FAM135B: variants seen among roughly 807,000 people sequenced by gnomAD.
FAM135B encodes protein FAM135B.
A neutral mutation model predicts 127.7 loss-of-function variants in FAM135B; 43 were observed. The observed-to-expected ratio is 0.34, with a 90% CI of 0.26 to 0.43. FAM135B has a LOEUF of 0.43. FAM135B is among the 20% of genes least tolerant of loss of function. FAM135B has a pLI of 1.00. For missense variants in FAM135B, 1,558 were observed against 1,725.6 expected, an observed-to-expected ratio of 0.90 and a Z score of 1.72; for synonymous variants, 670 against 665.1, an observed-to-expected ratio of 1.01 and a Z score of -0.11.
chr8:138,298,664 T>A (rs1445764239), intron 3 of FAM135B, among the ~76,000 whole-genome samples: 1 of 152,120 alleles, frequency 6.6e-6, no homozygotes, highest in African/African-American at 2.4e-5. Flanking sequence ...TACAATAATA[T>A]AATAGTGACA....
chr8:138,431,754 C>T (rs983544478), intron 1 of FAM135B, among the ~76,000 whole-genome samples: 43 of 152,288 alleles, frequency 2.8e-4, no homozygotes, highest in Non-Finnish European at 5.6e-4. Context: ...TCAGGATCCT[C>T]GCATCTTTCC....
intron 1 of FAM135B, among the ~76,000 whole-genome samples, chr8:138,455,270 G>A (rs1836712412): frequency 6.6e-6 from 1 of 152,148 alleles, no homozygotes; most frequent in South Asian, 2.1e-4. Context: ...CTTTCATCAT[G>A]GATAGGAGAA....
intron 6 of FAM135B, among the ~76,000 whole-genome samples, chr8:138,249,243 C>T (rs750531677): frequency 5.9e-5 from 9 of 152,222 alleles, no homozygotes; most frequent in Non-Finnish European, 1.2e-4. Context: ...ATATTCTTCA[C>T]AGGATGATAG....
chr8:138,264,093 C>T (rs530170481), intron 4 of FAM135B, among the ~76,000 whole-genome samples: 19 of 152,302 alleles, frequency 1.2e-4, no homozygotes, highest in African/African-American at 3.6e-4. Context: ...GTCACCTCAG[C>T]CTTAGTGCTT....
chr8:138,461,974 T>C (rs911196341), intron 1 of FAM135B, among the ~76,000 whole-genome samples: 2 of 152,054 alleles, frequency 1.3e-5, no homozygotes, highest in Non-Finnish European at 2.9e-5. Flanking sequence ...GTCAGCCTTC[T>C]CTCAGAAGCC....
intron 8 of FAM135B, among the ~76,000 whole-genome samples, chr8:138,196,593 C>G (rs147550529): frequency 2.2e-4 from 34 of 152,270 alleles, no homozygotes; most frequent in African/African-American, 7.7e-4. Flanking sequence ...AGGCCATTGA[C>G]CCAGTCAAAA....
At chr8:138,457,279 G>A (rs1836840725) in intron 1 of FAM135B, among the ~76,000 whole-genome samples, 1 of 152,142 alleles carries the variant, frequency 6.6e-6, no homozygotes, top group South Asian at 2.1e-4. Context: ...GAGCAGGAGT[G>A]AGAGCCGTGG....
chr8:138,194,933 A>G (rs1325155584), intron 9 of FAM135B, among the ~76,000 whole-genome samples: 1 of 152,216 alleles, frequency 6.6e-6, no homozygotes, highest in Admixed American at 6.5e-5. Context: ...TCTGTCATCC[A>G]CAGTGAGAAG....
intron 1 of FAM135B, among the ~76,000 whole-genome samples, chr8:138,435,467 G>A (rs1007392458): frequency 2.0e-5 from 3 of 152,232 alleles, no homozygotes; most frequent in East Asian, 1.9e-4. Context: ...GTCCACAGGT[G>A]TACTGCTTTA....
chr8:138,381,666 C>T (rs1519369), intron 1 of FAM135B, among the ~76,000 whole-genome samples: 61,350 of 152,016 alleles, frequency 0.4, 12,863 homozygotes, highest in East Asian at 0.63. Context: ...ACTGAATAAA[C>T]CCATTACTCT....
At chr8:138,345,420 C>T (rs1829343684) in intron 2 of FAM135B, among the ~76,000 whole-genome samples, 1 of 152,170 alleles carries the variant, frequency 6.6e-6, no homozygotes, top group Admixed American at 6.5e-5. Flanking sequence ...CTTGTAGCAG[C>T]AGCAGGGCCA....
chr8:138,305,918 CATGT>C (rs1156814739), intron 3 of FAM135B, among the ~76,000 whole-genome samples: 1 of 151,928 alleles, frequency 6.6e-6, no homozygotes, highest in Non-Finnish European at 1.5e-5. Context: ...TACACACATG[CATGT>C]ATATGTATAC....
At chr8:138,372,175 A>C (rs16908983) in intron 1 of FAM135B, among the ~76,000 whole-genome samples, 4,846 of 152,326 alleles carry the variant, frequency 0.032, 154 homozygotes, top group East Asian at 0.17. Flanking sequence ...GAGTAACCAC[A>C]GCAGGTCATC....
chr8:138,354,938 G>A (rs1290571066), intron 2 of FAM135B, among the ~76,000 whole-genome samples: 21 of 151,968 alleles, frequency 1.4e-4, no homozygotes, highest in Admixed American at 1.2e-3. Flanking sequence ...GTATACATGT[G>A]CCATGTTGGT....
rs1237124930 is a variant in FAM135B at position 138,242,135 on chromosome 8, A to G, written c.669+807T>C. 3.4e-5 allele frequency among the ~76,000 whole-genome samples: 5 copies of G among 148,290 alleles called. No homozygotes were observed. Among genetic ancestry groups the G allele is most frequent in the Admixed American group, 6.7e-5 (1 of 14,822 alleles). On this transcript the variant is annotated intron_variant, in intron 7 of 19. Coordinates refer to ENST00000395297, the MANE Select transcript of FAM135B (RefSeq NM_015912.4). The surrounding 1 kb of genome is among the most constrained non-coding windows in gnomAD (Gnocchi z 9.6). ...TGGGGGCTTCTCAGCCTTCAAAATC[A>G]TGTGAGTCAATTACTTATGATAAAT...
intron 1 of FAM135B, among the ~76,000 whole-genome samples, chr8:138,478,835 C>T (rs1040374423): frequency 2.6e-5 from 4 of 152,154 alleles, no homozygotes; most frequent in East Asian, 1.9e-4. Context: ...ACATCTCTGC[C>T]GGCAGATGTG....
chr8:138,135,324 AC>A (rs781249010), intron 19 of FAM135B, among the ~76,000 whole-genome samples: 3 of 152,302 alleles, frequency 2.0e-5, no homozygotes, highest in Admixed American at 6.5e-5. Flanking sequence ...CTGTCTATTG[AC>A]CACAGCTATG....
intron 1 of FAM135B, among the ~76,000 whole-genome samples, chr8:138,466,435 G>A (rs1355247725): frequency 1.3e-5 from 2 of 152,136 alleles, no homozygotes; most frequent in African/African-American, 4.8e-5. Context: ...GACGAGAGCA[G>A]GAACAAATGC....
chr8:138,153,454 C>A (rs138676343), intron 12 of FAM135B, among the ~76,000 whole-genome samples: 237 of 152,228 alleles, frequency 1.6e-3, no homozygotes, highest in African/African-American at 5.4e-3. Flanking sequence ...ACAGTGAGTG[C>A]AGCCCACGGA....
Sources: allele counts gnomAD v4.1 joint callset (sites outside exome capture counted in the v4.1 genomes callset), GRCh38; gene constraint gnomAD v4.1.1; non-coding constraint Gnocchi (gnomAD v3.1); transcripts MANE v1.5; gene names NCBI Gene and HGNC (gene_info 2026-07-23, HGNC 2026-07-21).